The following CCSER2 variants were observed in gnomAD, a reference collection of about 807,000 sequenced individuals.
CCSER2 encodes coiled-coil serine rich protein 2.
In CCSER2, 46 loss-of-function variants were observed where a neutral mutation model predicts 92.3. The observed-to-expected ratio is 0.50, with a 90% CI of 0.39 to 0.64. The LOEUF (loss-of-function observed/expected upper bound fraction) is 0.64, where lower values mean the gene tolerates loss of function less well. Among genes scored for constraint, CCSER2 ranks in the 30% least tolerant of loss-of-function variants. CCSER2 has a pLI of 0.00. For missense variants in CCSER2, 1,244 were observed against 1,238.9 expected (o/e 1.00, Z -0.06); for synonymous variants, 433 against 431.4 (o/e 1.00, Z -0.04).
intron 3 of CCSER2, among the ~76,000 whole-genome samples, chr10:84,410,575 C>T (rs1284210854): frequency 6.6e-6 from 1 of 152,160 alleles, no homozygotes; most frequent in Non-Finnish European, 1.5e-5. Context: ...TGAGAAGTGT[C>T]TGTTCATGTC....
Position 84,514,081 on chromosome 10 carries a change from C to A in CCSER2, c.2958C>A (p.Gly986=). 6.5e-7 allele frequency: 1 copy of A among 1,536,204 alleles called. No homozygotes were observed. Among genetic ancestry groups the A allele is most frequent in the Middle Eastern group, 1.7e-4 (1 of 5,992 alleles). The change falls in exon 10 of 10, where the codon GGC becomes GGA. Residue 986 remains glycine, a synonymous_variant. Coordinates refer to ENST00000372088, the MANE Select transcript of CCSER2 (RefSeq NM_001284240.2). Reference sequence around the variant, plus strand: ...CATCTAAGCTCCGCCCCCCCTCAGGCTCTTTCAAACAAAAACAAACAAACA... The same window carrying A: ...CATCTAAGCTCCGCCCCCCCTCAGGATCTTTCAAACAAAAACAAACAAACA... ...LKASKLRPPS[G]SFKQKQTNSP... is the part of the protein sequence containing the mutation.
chr10:84,502,442 G>C (rs967303994), intron 9 of CCSER2, among the ~76,000 whole-genome samples: 6 of 145,510 alleles, frequency 4.1e-5, no homozygotes, highest in African/African-American at 1.3e-4. Context: ...CCAGATCTCA[G>C]CTCACTGCAA....
At chr10:84,379,338 C>T (rs1840767731) in intron 3 of CCSER2, among the ~76,000 whole-genome samples, 1 of 152,064 alleles carries the variant, frequency 6.6e-6, no homozygotes, top group African/African-American at 2.4e-5. Context: ...TTCTTCATTT[C>T]CAAGAACCAA....
At chr10:84,439,491 CT>C (rs1291559055) in intron 6 of CCSER2, among the ~76,000 whole-genome samples, 2 of 152,176 alleles carry the variant, frequency 1.3e-5, no homozygotes, top group Non-Finnish European at 2.9e-5. Context: ...GCTCAGTTTG[CT>C]TTCTGTCTTA....
chr10:84,349,326 G>C (rs1844730190), intron 1 of CCSER2, among the ~76,000 whole-genome samples: 1 of 152,104 alleles, frequency 6.6e-6, no homozygotes, highest in South Asian at 2.1e-4. Context: ...TTTATCCTTT[G>C]AGTTTAACCC....
chr10:84,493,998 T>A lies in CCSER2; in HGVS notation c.2325+16334T>A, dbSNP rs148538943. Among the ~76,000 whole-genome samples the A allele has an allele frequency of 1.8e-3, 280 of 152,316 alleles. 1 individual carries two copies. The highest frequency in any genetic ancestry group is 0.012 in the South Asian group (60 of 4,824). On this transcript the variant is annotated intron_variant, in intron 9 of 9. Coordinates refer to ENST00000372088, the MANE Select transcript of CCSER2 (RefSeq NM_001284240.2). ...CAACCTAGATTTCTCGCATGTGCAG[T>A]TCACAATAAAGTTCCTGCTTCTGTG...
intron 1 of CCSER2, among the ~76,000 whole-genome samples, chr10:84,364,622 G>A (rs1218350324): frequency 2.0e-5 from 3 of 152,124 alleles, no homozygotes; most frequent in East Asian, 3.8e-4. Flanking sequence ...TACCTATCAT[G>A]TAAGTGCTTA....
At chr10:84,343,970 A>G (rs1844341917) in intron 1 of CCSER2, among the ~76,000 whole-genome samples, 1 of 152,234 alleles carries the variant, frequency 6.6e-6, no homozygotes. Flanking sequence ...TTGTCAGTTA[A>G]TACCCAGGAG....
At chr10:84,432,508 G>T (rs1223124910) in intron 5 of CCSER2, among the ~76,000 whole-genome samples, 1 of 152,078 alleles carries the variant, frequency 6.6e-6, no homozygotes, top group African/African-American at 2.4e-5. Context: ...GTGGTATTTG[G>T]TTTTCTCTTC....
Position 84,513,704 on chromosome 10 carries a change from T to C in CCSER2, c.2581T>C (p.Leu861=). Residue 861 remains leucine, a synonymous_variant, in exon 10 of 10, where the codon TTA becomes CTA. Coordinates refer to ENST00000372088, the MANE Select transcript of CCSER2 (RefSeq NM_001284240.2). The part of the protein sequence containing the change: ...VAKSTPSEAN[L]NITVNAQEPY... ...TAAGAGTACACCTTCTGAAGCAAAC[T>C]TAAACATTACTGTAAATGCTCAAGA... The C allele has an allele frequency of 6.5e-7, 1 of 1,540,450 alleles. No homozygotes were observed. The highest frequency in any genetic ancestry group is 8.7e-7 in the Non-Finnish European group (1 of 1,147,944).
At chr10:84,460,711 G>A (rs961856322) in intron 6 of CCSER2, among the ~76,000 whole-genome samples, 1 of 151,654 alleles carries the variant, frequency 6.6e-6, no homozygotes, top group Non-Finnish European at 1.5e-5. Context: ...AGAGTTTGTT[G>A]CTTTTGAGGA....
intron 7 of CCSER2, among the ~76,000 whole-genome samples, chr10:84,465,908 G>A (rs774902329): frequency 6.6e-5 from 10 of 151,894 alleles, no homozygotes; most frequent in Non-Finnish European, 1.3e-4. Context: ...CCACCACCGC[G>A]CCCAGCTAAT....
At chr10:84,370,836 T>C (rs1422795456) in intron 1 of CCSER2, among the ~76,000 whole-genome samples, 178 bp from the exon 2 acceptor site, 2 of 152,220 alleles carry the variant, frequency 1.3e-5, no homozygotes, top group Non-Finnish European at 2.9e-5. Flanking sequence ...TTTATTTTCT[T>C]CCAACATAAA....
chr10:84,511,530 A>C (rs1451379115), intron 9 of CCSER2, among the ~76,000 whole-genome samples: 1 of 152,188 alleles, frequency 6.6e-6, no homozygotes, highest in Non-Finnish European at 1.5e-5. Context: ...GTCCATTTTT[A>C]AATTGTCACT....
intron 3 of CCSER2, among the ~76,000 whole-genome samples, chr10:84,413,368 C>T (rs1245523177): frequency 6.6e-6 from 1 of 152,150 alleles, no homozygotes; most frequent in Non-Finnish European, 1.5e-5. Context: ...TCATTACTTT[C>T]AAAGAACTTG....
intron 1 of CCSER2, among the ~76,000 whole-genome samples, chr10:84,352,245 A>G (rs1371991082): frequency 6.6e-6 from 1 of 152,168 alleles, no homozygotes; most frequent in African/African-American, 2.4e-5. Context: ...CGGAGGTTGC[A>G]GTGAGCCAAG....
At chr10:84,394,944 C>T (rs903479350) in intron 3 of CCSER2, among the ~76,000 whole-genome samples, 3 of 151,830 alleles carry the variant, frequency 2.0e-5, no homozygotes, top group Admixed American at 6.6e-5. Flanking sequence ...ACAGAGTAGG[C>T]GGGGTGCGGT....
At chr10:84,505,278 G>C (rs1564732816) in intron 9 of CCSER2, among the ~76,000 whole-genome samples, 1 of 152,096 alleles carries the variant, frequency 6.6e-6, no homozygotes, top group Non-Finnish European at 1.5e-5. Context: ...AGGAATATTG[G>C]TAAGCAGTTT....
At chr10:84,346,222 G>A (rs573557817) in intron 1 of CCSER2, among the ~76,000 whole-genome samples, 10 of 151,960 alleles carry the variant, frequency 6.6e-5, no homozygotes, top group African/African-American at 2.2e-4. Context: ...GCACCACCTC[G>A]CCTGGCTAAT....
Sources: allele counts gnomAD v4.1 joint callset (sites outside exome capture counted in the v4.1 genomes callset), GRCh38; gene constraint gnomAD v4.1.1; transcripts MANE v1.5; gene names NCBI Gene and HGNC (gene_info 2026-07-23, HGNC 2026-07-21).